Variants in RSPO3 observed in about 807,000 individuals in gnomAD.
RSPO3 encodes R-spondin 3, also known as R-spondin-3.
In RSPO3, 17 loss-of-function variants were observed where a neutral mutation model predicts 36.5. The ratio of observed to expected loss-of-function variants is 0.47; its 90% CI spans 0.32 to 0.70. RSPO3 has a LOEUF of 0.70. Ranked by LOEUF, RSPO3 falls within the 30% of genes least tolerant of loss-of-function variation. The pLI, the probability that RSPO3 is intolerant of heterozygous loss-of-function variation, is 0.04. For missense variants in RSPO3, 294 were observed against 322.5 expected (o/e 0.91, Z 0.68); for synonymous variants, 108 against 107.0 (o/e 1.01, Z -0.06).
chr6:127,152,392 G>T (rs1202708087), intron 3 of RSPO3, among the ~76,000 whole-genome samples: 1 of 152,038 alleles, frequency 6.6e-6, no homozygotes. Flanking sequence ...ATGCCTTTAG[G>T]CCAGTCCAGA....
At position 127,119,098 on chromosome 6, in the gene RSPO3, T is replaced by C. The variant is rs1464873553; in HGVS notation, c.-95T>C. The C allele has an allele frequency of 1.0e-6, 1 of 969,368 alleles. No homozygotes were observed. Among genetic ancestry groups the C allele is most frequent in the African/African-American group, 1.7e-5 (1 of 60,464 alleles). 60.0% of individuals were successfully genotyped at this position (969,368 alleles called of 1,614,324 possible). ...AGTCCCGCTGCTCGGGCACTGTCTA[T>C]ATACGCCTAACACCTACATATATTT... On this transcript the variant is annotated 5_prime_UTR_variant, in exon 1 of 5. Coordinates refer to ENST00000356698, the MANE Select transcript of RSPO3 (RefSeq NM_032784.5).
Position 127,199,279 on chromosome 6 carries a change from A to T in RSPO3, c.*3272A>T, listed in dbSNP as rs1775574729. Among the ~76,000 whole-genome samples the T allele has an allele frequency of 6.6e-6, 1 of 152,196 alleles. No homozygotes were observed. The highest frequency in any genetic ancestry group is 2.4e-5 in the African/African-American group (1 of 41,458). On this transcript the variant is annotated 3_prime_UTR_variant, in exon 5 of 5. Coordinates refer to ENST00000356698, the MANE Select transcript of RSPO3 (RefSeq NM_032784.5). ...ATTAAAAGGTTCTTCATTCAATATAATAATAAATATTTTGTATATAAATGA... is the reference window on the plus strand; with the variant it reads ...ATTAAAAGGTTCTTCATTCAATATATTAATAAATATTTTGTATATAAATGA...
At chr6:127,150,665 C>A (rs2114584712) in intron 3 of RSPO3, 93 bp downstream of exon 3, 4 of 1,246,066 alleles carry the variant, frequency 3.2e-6, no homozygotes, top group East Asian at 2.4e-5. Context: ...CTTGAAGGTT[C>A]TTGGGCTGAG....
chr6:127,136,813 C>T (rs1017843148), intron 1 of RSPO3, among the ~76,000 whole-genome samples: 1 of 152,018 alleles, frequency 6.6e-6, no homozygotes, highest in Non-Finnish European at 1.5e-5. Flanking sequence ...AGTATAATTC[C>T]TTTGGATTTG....
chr6:127,162,627 G>A (rs1455400417), intron 4 of RSPO3, among the ~76,000 whole-genome samples: 3 of 152,122 alleles, frequency 2.0e-5, no homozygotes, highest in Non-Finnish European at 4.4e-5. Flanking sequence ...GCACTCTTAG[G>A]TGCTGAGGAT....
rs144937024 is a variant in RSPO3, at chr6:127,174,449, G to T, written c.634+19011G>T. On this transcript the variant is annotated intron_variant, in intron 4 of 4. Transcript: ENST00000356698. ...AATTTTGAAATGGTGGATATGTTCT[G>T]ATCAGAGGACTAAGCAGTATGAAGA... is the stretch of plus-strand genomic sequence containing the variant. 9.4e-3 allele frequency among the ~76,000 whole-genome samples: 1,434 copies of T among 151,974 alleles called. 6 individuals carry two copies. The highest frequency in any genetic ancestry group is 0.016 in the Non-Finnish European group (1,102 of 67,854).
chr6:127,123,768 G>T (rs763979426), intron 1 of RSPO3, among the ~76,000 whole-genome samples: 6 of 151,982 alleles, frequency 3.9e-5, no homozygotes, highest in Non-Finnish European at 8.8e-5. Context: ...ATTTGAACTT[G>T]CAAATAGATA....
At chr6:127,173,734 G>A (rs973003604) in intron 4 of RSPO3, among the ~76,000 whole-genome samples, 1 of 151,814 alleles carries the variant, frequency 6.6e-6, no homozygotes, top group Non-Finnish European at 1.5e-5. Context: ...CATGTGCGAG[G>A]AAAGCAGATG....
intron 3 of RSPO3, among the ~76,000 whole-genome samples, chr6:127,150,867 TTTAA>T (rs1172578744): frequency 9.2e-5 from 14 of 151,722 alleles, no homozygotes; most frequent in Middle Eastern, 3.2e-3. Context: ...TGAATTTTTA[TTTAA>T]TTATTTAATG....
At chr6:127,148,970 C>A in intron 2 of RSPO3, 131 bp downstream of exon 2, 1 of 739,002 alleles carries the variant, frequency 1.4e-6, no homozygotes, top group Non-Finnish European at 2.1e-6. Context: ...TAGGCTAAAC[C>A]ATACTTGGAC....
intron 4 of RSPO3, among the ~76,000 whole-genome samples, chr6:127,194,832 T>A (rs1434718722): frequency 1.3e-5 from 2 of 152,196 alleles, no homozygotes; most frequent in Non-Finnish European, 2.9e-5. Flanking sequence ...GGGGCCTGCA[T>A]GAAATCCAGT....
intron 4 of RSPO3, among the ~76,000 whole-genome samples, chr6:127,176,450 T>A (rs1775057892): frequency 6.6e-6 from 1 of 151,772 alleles, no homozygotes; most frequent in African/African-American, 2.4e-5. Flanking sequence ...TTTATTTATT[T>A]TTTTTTAATA....
chr6:127,154,409 C>T (rs1441754242), intron 3 of RSPO3, among the ~76,000 whole-genome samples: 1 of 151,992 alleles, frequency 6.6e-6, no homozygotes. Context: ...GAAACTAATA[C>T]AGAAAAAGGA....
chr6:127,192,604 C>T (rs1775434310), intron 4 of RSPO3: 2 of 959,696 alleles, frequency 2.1e-6, no homozygotes, highest in Admixed American at 1.2e-4. Flanking sequence ...CTGCTAATAG[C>T]AAATTCTCTT....
chr6:127,155,107 A>G lies in RSPO3; in HGVS notation c.437-134A>G, dbSNP rs1020971955. 6 of 805,092 alleles carry G rather than the reference A, an allele frequency of 7.5e-6. No homozygotes were observed. The African/African-American group carries it at 1.0e-4, about 14-fold the overall frequency. 49.9% of individuals were successfully genotyped at this position (805,092 alleles called of 1,614,324 possible). On this transcript the variant is annotated intron_variant, in intron 3 of 4. Transcript: ENST00000356698. ...CATTCTCCTGTTTTATATTTAAGTCATCTTGCCCGACTTTGATCTGCAAGA... is the reference window on the plus strand; with the variant it reads ...CATTCTCCTGTTTTATATTTAAGTCGTCTTGCCCGACTTTGATCTGCAAGA...
At chr6:127,169,510 T>C (rs1186652109) in intron 4 of RSPO3, among the ~76,000 whole-genome samples, 1 of 151,916 alleles carries the variant, frequency 6.6e-6, no homozygotes, top group African/African-American at 2.4e-5. Flanking sequence ...GAACTAATTC[T>C]AGATTTCTTC....
intron 4 of RSPO3, among the ~76,000 whole-genome samples, chr6:127,172,369 T>C (rs1382612968): frequency 6.6e-6 from 1 of 151,768 alleles, no homozygotes; most frequent in African/African-American, 2.4e-5. Context: ...TAATGTTCCA[T>C]AGAGCCCCAC....
intron 2 of RSPO3, among the ~76,000 whole-genome samples, chr6:127,150,105 A>T (rs1378213281): frequency 6.6e-6 from 1 of 151,952 alleles, no homozygotes; most frequent in Non-Finnish European, 1.5e-5. Flanking sequence ...TAAGGTTCTG[A>T]TGAAACATTT....
rs1473997379 is a variant in RSPO3 at position 127,196,478 on chromosome 6, G to C, written c.*471G>C. ...TTGTTTTGACCGGGAGATCTAGAGA[G>C]TGCTCAGAATTAGGGCCTGGCATTT... On this transcript the variant is annotated 3_prime_UTR_variant, in exon 5 of 5. Coordinates refer to ENST00000356698, the MANE Select transcript of RSPO3 (RefSeq NM_032784.5). 1 of 152,266 alleles carries C rather than the reference G, an allele frequency of 6.6e-6. No individual in the cohort carries two copies. Among genetic ancestry groups the C allele is most frequent in the Admixed American group, 6.5e-5 (1 of 15,286 alleles). 9.4% of individuals were successfully genotyped at this position (152,266 alleles called of 1,614,324 possible).
Sources: allele counts gnomAD v4.1 joint callset (sites outside exome capture counted in the v4.1 genomes callset), GRCh38; gene constraint gnomAD v4.1.1; transcripts MANE v1.5; gene names NCBI Gene and HGNC (gene_info 2026-07-23, HGNC 2026-07-21).